The following KCNK13 variants were observed in gnomAD, a reference collection of about 807,000 sequenced individuals.
KCNK13 encodes potassium channel subfamily K member 13.
KCNK13 carries 12 observed loss-of-function variants against 23.4 expected under a neutral mutation model. The ratio of observed to expected loss-of-function variants is 0.51; its 90% confidence interval spans 0.33 to 0.83. KCNK13 has a LOEUF of 0.83. KCNK13 is among the 40% of genes least tolerant of loss of function. The pLI is 0.02. For missense variants in KCNK13, 463 were observed against 556.3 expected (o/e 0.83, Z 1.69); for synonymous variants, 231 against 229.5 (o/e 1.01, Z -0.06).
intron 1 of KCNK13, among the ~76,000 whole-genome samples, chr14:90,143,147 CTTTCTTTCT>C (rs1231760931): frequency 3.4e-3 from 84 of 24,372 alleles, no homozygotes; most frequent in Non-Finnish European, 7.4e-3. Flanking sequence ...AGAGCAGAAA[CTTTCTTTCT>C]TTCTTTCTTT....
chr14:90,161,438 C>T (rs1196017855), intron 1 of KCNK13, among the ~76,000 whole-genome samples: 1 of 152,020 alleles, frequency 6.6e-6, no homozygotes, highest in Non-Finnish European at 1.5e-5. Context: ...GTGAAAATGG[C>T]AAATTTTATA....
chr14:90,065,416 G>C (rs553389859), intron 1 of KCNK13, among the ~76,000 whole-genome samples: 1 of 152,214 alleles, frequency 6.6e-6, no homozygotes, highest in Non-Finnish European at 1.5e-5. Context: ...TAGAAGCAGA[G>C]CTTGAGCCAA....
At chr14:90,167,855 A>G (rs955763449) in intron 1 of KCNK13, among the ~76,000 whole-genome samples, 1 of 152,210 alleles carries the variant, frequency 6.6e-6, no homozygotes, top group Non-Finnish European at 1.5e-5. Flanking sequence ...CAGGAGGTGT[A>G]TTGGCTGGGA....
At chr14:90,081,294 A>G (rs909238377) in intron 1 of KCNK13, among the ~76,000 whole-genome samples, 14 of 152,238 alleles carry the variant, frequency 9.2e-5, no homozygotes, top group African/African-American at 3.1e-4. Flanking sequence ...TACTTTTTCC[A>G]TTAAAAAATT....
chr14:90,162,322 G>A (rs909278235), intron 1 of KCNK13, among the ~76,000 whole-genome samples: 4 of 152,164 alleles, frequency 2.6e-5, no homozygotes, highest in African/African-American at 7.2e-5. Flanking sequence ...GTGACATTTC[G>A]GGAGAGTGGA....
rs188767015 is a variant in KCNK13 at position 90,168,738 on chromosome 14, A to T, written c.335-15373A>T. 2.0e-3 allele frequency among the ~76,000 whole-genome samples: 304 copies of T among 152,338 alleles called. 3 individuals carry two copies. The highest frequency in any genetic ancestry group is 7.0e-3 in the African/African-American group (291 of 41,580). Reference sequence around the variant, plus strand: ...TACTAAAGTTTAGGACCTTTGTCCCAGGTGATCTAAGTTTCCTTCTACCTT... The same window carrying T: ...TACTAAAGTTTAGGACCTTTGTCCCTGGTGATCTAAGTTTCCTTCTACCTT... On this transcript the variant is annotated intron_variant, in intron 1 of 1. Transcript: ENST00000282146.
chr14:90,088,330 AAAAGAAAGAAAG>A (rs59020460), intron 1 of KCNK13, among the ~76,000 whole-genome samples: 3 of 147,288 alleles, frequency 2.0e-5, no homozygotes, highest in Admixed American at 1.4e-4. Flanking sequence ...AACAAGCTTA[AAAAGAAAGAAAG>A]AAAGAAAGAA....
Position 90,184,431 on chromosome 14 carries a change from A to T in KCNK13, c.655A>T (p.Ile219Phe), listed in dbSNP as rs111667500. Residue 219 changes from isoleucine to phenylalanine, a missense_variant, in exon 2 of 2, where the codon ATT becomes TTT. By Grantham distance (21) the Ile-to-Phe change is conservative. This residue lies in a region of KCNK13 where 144 missense variants were observed against 224.0 expected (regional missense o/e 0.64). Coordinates refer to ENST00000282146, the MANE Select transcript of KCNK13 (RefSeq NM_022054.4). The surrounding 1 kb of genome is among the most constrained non-coding windows in gnomAD (Gnocchi z 5.6). Reference protein sequence around the residue: ...SCCASAMYTPIEGWSYFDSLY... With the variant: ...SCCASAMYTPFEGWSYFDSLY... ...CTGCGCCTCAGCCATGTACACCCCC[A>T]TTGAAGGCTGGAGCTACTTTGACTC... The T allele has an allele frequency of 1.9e-6, 3 of 1,614,152 alleles. No homozygotes were observed. The highest frequency in any genetic ancestry group is 2.5e-6 in the Non-Finnish European group (3 of 1,180,026).
At chr14:90,073,471 GCATGTTGGCAC>G (rs1486814499) in intron 1 of KCNK13, among the ~76,000 whole-genome samples, 1 of 152,098 alleles carries the variant, frequency 6.6e-6, no homozygotes, top group Non-Finnish European at 1.5e-5. Context: ...TTAACTCTTG[GCATGTTGGCAC>G]CAAGGTTCTC....
chr14:90,161,947 G>A (rs150974784), intron 1 of KCNK13, among the ~76,000 whole-genome samples: 4 of 152,276 alleles, frequency 2.6e-5, no homozygotes, highest in Admixed American at 1.3e-4. Flanking sequence ...AGGAGGCCCA[G>A]GAAGGAGGAT....
intron 1 of KCNK13, among the ~76,000 whole-genome samples, chr14:90,143,163 CTTTCTTTCTTTCT>C (rs1157233644): frequency 6.2e-4 from 4 of 6,494 alleles, no homozygotes; most frequent in Middle Eastern, 0.056. Flanking sequence ...TTCTTTCTTT[CTTTCTTTCTTTCT>C]TTTCTTTTCT....
Position 90,090,014 on chromosome 14 carries a change from G to A in KCNK13, c.334+27475G>A, listed in dbSNP as rs148228966. On this transcript the variant is annotated intron_variant, in intron 1 of 1. Coordinates refer to ENST00000282146, the MANE Select transcript of KCNK13 (RefSeq NM_022054.4). ...GCTCTCATGGAGAACCTCTGCTAGG[G>A]CAGTGTGGAAGTGTGGGGTTGTAGC... Among the ~76,000 whole-genome samples, 480 of 152,354 alleles carry A rather than the reference G, an allele frequency of 3.2e-3. 4 individuals carry two copies. Among genetic ancestry groups the A allele is most frequent in the African/African-American group, 0.011 (459 of 41,572 alleles).
chr14:90,066,413 C>T (rs1288327612), intron 1 of KCNK13, among the ~76,000 whole-genome samples: 1 of 151,914 alleles, frequency 6.6e-6, no homozygotes, highest in Non-Finnish European at 1.5e-5. Flanking sequence ...ATTACAGGTG[C>T]AAGCCACCAC....
At chr14:90,183,413 A>AC (rs997251234) in intron 1 of KCNK13, among the ~76,000 whole-genome samples, 4 of 151,822 alleles carry the variant, frequency 2.6e-5, no homozygotes, top group African/African-American at 7.3e-5. Context: ...TCTCCATCCC[A>AC]CCACCACCAC....
At chr14:90,143,278 G>T (rs550659490) in intron 1 of KCNK13, among the ~76,000 whole-genome samples, 2 of 150,158 alleles carry the variant, frequency 1.3e-5, no homozygotes, top group Non-Finnish European at 3.0e-5. Context: ...CGTGATCTCG[G>T]CTGGCTGCAA....
chr14:90,145,277 C>A (rs1277783220), intron 1 of KCNK13, among the ~76,000 whole-genome samples: 1 of 151,904 alleles, frequency 6.6e-6, no homozygotes, highest in Non-Finnish European at 1.5e-5. Context: ...CCTGTAGTCC[C>A]AGCTACTTGG....
At chr14:90,067,888 G>A (rs1024903438) in intron 1 of KCNK13, among the ~76,000 whole-genome samples, 2 of 152,166 alleles carry the variant, frequency 1.3e-5, no homozygotes, top group Admixed American at 1.3e-4. Flanking sequence ...ATTTGACAGA[G>A]TCGGGGAAGG....
At chr14:90,170,203 C>T (rs1379323027) in intron 1 of KCNK13, among the ~76,000 whole-genome samples, 1 of 151,930 alleles carries the variant, frequency 6.6e-6, no homozygotes, top group Non-Finnish European at 1.5e-5. Context: ...AAATTACAAG[C>T]CTCAATCATT....
intron 1 of KCNK13, among the ~76,000 whole-genome samples, chr14:90,168,740 G>A (rs546535143): frequency 3.3e-5 from 5 of 152,280 alleles, no homozygotes; most frequent in African/African-American, 1.2e-4. Context: ...TTTGTCCCAG[G>A]TGATCTAAGT....
Sources: gnomAD v4.1 joint callset for allele counts (sites outside exome capture counted in the v4.1 genomes callset) on GRCh38, gnomAD v4.1.1 for gene constraint, gnomAD v4.1.1 regional missense constraint, Gnocchi (gnomAD v3.1) non-coding constraint, MANE v1.5 for transcripts, NCBI Gene and HGNC (gene_info 2026-07-23, HGNC 2026-07-21) for gene names.